The following AQR variants were observed in gnomAD, a reference collection of about 807,000 sequenced individuals.
AQR encodes the protein aquarius intron-binding spliceosomal factor, also known as RNA helicase aquarius.
AQR carries 61 observed loss-of-function variants against 180.5 expected under a neutral mutation model. The ratio of observed to expected loss-of-function variants is 0.34; its 90% CI spans 0.28 to 0.42. AQR has a LOEUF of 0.42. AQR is among the 10% of genes least tolerant of loss of function. AQR has a pLI of 1.00. For synonymous variants in AQR, 551 were observed against 588.8 expected (o/e 0.94, Z 0.93); for missense variants, 1,281 against 1,798.3 (o/e 0.71, Z 5.20).
At chr15:34,949,614 A>G (rs1274552399) in intron 4 of AQR, among the ~76,000 whole-genome samples, 1 of 149,772 alleles carries the variant, frequency 6.7e-6, no homozygotes, top group African/African-American at 2.5e-5. Flanking sequence ...ACAAAAAAAA[A>G]AAAAAAAAAA....
intron 6 of AQR, chr15:34,943,444 AAAATAAATAAATAAATAAATAAAT>A (rs3062307): frequency 3.9e-6 from 2 of 511,988 alleles, no homozygotes; most frequent in Non-Finnish European, 6.3e-6. Flanking sequence ...GTTTATGTTC[AAAATAAATAAATAAATAAATAAAT>A]AAATAAATAA....
At chr15:34,960,431 T>C (rs1392973856) in intron 3 of AQR, among the ~76,000 whole-genome samples, 1 of 152,210 alleles carries the variant, frequency 6.6e-6, no homozygotes, top group East Asian at 1.9e-4. Context: ...ACTATATTAT[T>C]GTAAATTTAA....
intron 1 of AQR, among the ~76,000 whole-genome samples, chr15:34,968,270 T>A (rs940001486): frequency 2.2e-5 from 3 of 134,326 alleles, no homozygotes; most frequent in African/African-American, 8.0e-5. Flanking sequence ...TTTTTTTTTT[T>A]GAGACGGAGT....
Position 34,862,894 on chromosome 15 carries a change from T to C in AQR, c.4002A>G (p.Pro1334=), listed in dbSNP as rs568636737. 28 of 1,613,600 alleles carry C rather than the reference T, an allele frequency of 1.7e-5. No individual in the cohort carries two copies. The highest frequency in any genetic ancestry group is 3.3e-4 in the Middle Eastern group (2 of 6,076). Residue 1334 remains proline, a synonymous_variant, in exon 33 of 35, where the codon CCA becomes CCG. Transcript: ENST00000156471. ...TARPLHLHII[P]TEPFPTTRKN... ...TTCTAGTAGTTGGGAAAGGTTCTGT[T>C]GGAATTATATGCAAATGAAGGGGGC...
chr15:34,878,213 C>T (rs1281434533), intron 27 of AQR, among the ~76,000 whole-genome samples: 1 of 151,620 alleles, frequency 6.6e-6, no homozygotes, highest in Non-Finnish European at 1.5e-5. Context: ...GGTGAAACCC[C>T]GTCTTTACTA....
intron 27 of AQR, among the ~76,000 whole-genome samples, 199 bp downstream of exon 27, chr15:34,882,303 A>G (rs903533672): frequency 1.3e-5 from 2 of 152,036 alleles, no homozygotes; most frequent in African/African-American, 4.8e-5. Context: ...TGGTTATAAC[A>G]TTACCTAATG....
rs1290037938 is a variant in AQR at position 34,947,420 on chromosome 15, C to T, written c.330+844G>A. Among the ~76,000 whole-genome samples the T allele has an allele frequency of 4.0e-5, 6 of 148,924 alleles. No homozygotes were observed. In the East Asian group the frequency reaches 1.2e-3, roughly 29 times the overall value. On this transcript the variant is annotated intron_variant, in intron 5 of 34. Coordinates refer to ENST00000156471, the MANE Select transcript of AQR (RefSeq NM_014691.3). ...CCTAGGAAAACCAGAGACCTTTGTT[C>T]ACTTGTTTATCTGCTGACCTTCCCT...
chr15:34,927,708 T>C (rs1026397329), intron 12 of AQR, among the ~76,000 whole-genome samples: 11 of 152,190 alleles, frequency 7.2e-5, no homozygotes, highest in Non-Finnish European at 1.5e-4. Context: ...ACAGAGTGAT[T>C]GAAATAATAT....
At chr15:34,891,304 T>C (rs187118827) in intron 23 of AQR, among the ~76,000 whole-genome samples, 8 of 152,160 alleles carry the variant, frequency 5.3e-5, no homozygotes, top group East Asian at 3.9e-4. Context: ...AAGAACCACA[T>C]AGATTGAATA....
chr15:34,865,454 A>T (rs1024447701), intron 32 of AQR, among the ~76,000 whole-genome samples: 7 of 152,148 alleles, frequency 4.6e-5, no homozygotes, highest in African/African-American at 1.7e-4. Flanking sequence ...GCTGAAAAAA[A>T]GGTGTGAGCA....
At chr15:34,930,741 C>A (rs1287979395) in intron 11 of AQR, among the ~76,000 whole-genome samples, 2 of 151,724 alleles carry the variant, frequency 1.3e-5, no homozygotes, top group African/African-American at 4.9e-5. Flanking sequence ...AAAGCTATAG[C>A]ACCAGAGGGA....
intron 13 of AQR, among the ~76,000 whole-genome samples, chr15:34,924,137 TACC>T (rs1044897878): frequency 1.4e-4 from 22 of 152,220 alleles, no homozygotes; most frequent in African/African-American, 5.3e-4. Flanking sequence ...TTAAAGAAAC[TACC>T]ACTTGTCAAG....
chr15:34,959,213 A>G (rs1894379652), intron 3 of AQR, among the ~76,000 whole-genome samples: 1 of 152,182 alleles, frequency 6.6e-6, no homozygotes, highest in Non-Finnish European at 1.5e-5. Context: ...CCCAGGCTAG[A>G]GTGCAGTGGC....
At chr15:34,931,167 T>C (rs1238872907) in intron 11 of AQR, among the ~76,000 whole-genome samples, 1 of 152,028 alleles carries the variant, frequency 6.6e-6, no homozygotes, top group African/African-American at 2.4e-5. Flanking sequence ...AACACTAAGA[T>C]AGGGAAAGCT....
chr15:34,955,302 T>G (rs1566791104), intron 3 of AQR, among the ~76,000 whole-genome samples: 1 of 152,078 alleles, frequency 6.6e-6, no homozygotes, highest in Non-Finnish European at 1.5e-5. Flanking sequence ...CCTTCCAAAG[T>G]TGAATAATTT....
intron 30 of AQR, 105 bp from the exon 31 acceptor site, chr15:34,871,027 G>A (rs1005893439): frequency 2.8e-6 from 3 of 1,083,282 alleles, no homozygotes; most frequent in African/African-American, 3.2e-5. Context: ...TTTGCACACT[G>A]CAAGAAGTGA....
chr15:34,920,262 T>C, intron 14 of AQR, 70 bp downstream of exon 14: 3 of 1,124,474 alleles, frequency 2.7e-6, no homozygotes. Flanking sequence ...TATATGAACC[T>C]ACATCTTTAA....
chr15:34,941,164 G>A (rs890893655), intron 7 of AQR, among the ~76,000 whole-genome samples, 165 bp from the exon 8 acceptor site: 2 of 152,056 alleles, frequency 1.3e-5, no homozygotes, highest in African/African-American at 2.4e-5. Flanking sequence ...AATGAATAAC[G>A]ATATTTTAAA....
At chr15:34,926,065 G>A (rs1893759235) in intron 13 of AQR, among the ~76,000 whole-genome samples, 1 of 152,070 alleles carries the variant, frequency 6.6e-6, no homozygotes, top group South Asian at 2.1e-4. Context: ...TACTCAGGAG[G>A]CTGAGGCAGG....
Sources: gnomAD v4.1 joint callset for allele counts (sites outside exome capture counted in the v4.1 genomes callset) on GRCh38, gnomAD v4.1.1 for gene constraint, MANE v1.5 for transcripts, NCBI Gene and HGNC (gene_info 2026-07-23, HGNC 2026-07-21) for gene names.